The following ZDHHC21 variants were observed in gnomAD, a reference collection of about 807,000 sequenced individuals.
ZDHHC21 encodes zDHHC palmitoyltransferase 21.
A neutral mutation model predicts 34.6 loss-of-function variants in ZDHHC21; 15 were observed. The observed-to-expected ratio is 0.43, with a 90% CI of 0.29 to 0.67. ZDHHC21 has a LOEUF of 0.67. Ranked by LOEUF, ZDHHC21 falls within the 30% of genes least tolerant of loss-of-function variation. The pLI, the probability that ZDHHC21 is intolerant of heterozygous loss-of-function variation, is 0.14. For synonymous variants in ZDHHC21, 142 were observed against 101.8 expected (o/e 1.40, Z -2.38); for missense variants, 344 against 327.7 (o/e 1.05, Z -0.38).
At chr9:14,598,095 C>T in the ZDHHC21 span, among the ~76,000 whole-genome samples, 2 of 152,170 alleles carry the variant, frequency 1.3e-5, no homozygotes, top group African/African-American at 4.8e-5. Context: ...ACCTCTCTGG[C>T]CCACTGCCTC....
chr9:14,686,109 C>T (rs1041785529), intron 2 of ZDHHC21, among the ~76,000 whole-genome samples: 4 of 151,682 alleles, frequency 2.6e-5, no homozygotes, highest in South Asian at 2.1e-4. Flanking sequence ...ATGTAAATGA[C>T]GAGTTAATGG....
At chr9:14,686,205 T>TA (rs1275370004) in intron 2 of ZDHHC21, among the ~76,000 whole-genome samples, 2 of 149,630 alleles carry the variant, frequency 1.3e-5, no homozygotes, top group Admixed American at 6.7e-5. Context: ...AAGTATAATT[T>TA]AAAAAAAAGA....
intron 5 of ZDHHC21, among the ~76,000 whole-genome samples, chr9:14,670,909 T>C (rs761070009): frequency 6.6e-6 from 1 of 152,118 alleles, no homozygotes; most frequent in Non-Finnish European, 1.5e-5. Flanking sequence ...TTCTTAGTCA[T>C]TTCCCTTTCC....
At chr9:14,602,624 C>T in the ZDHHC21 span, among the ~76,000 whole-genome samples, 1 of 152,042 alleles carries the variant, frequency 6.6e-6, no homozygotes, top group African/African-American at 2.4e-5. Context: ...AGGAAATCCC[C>T]ATCAGACAAA....
chr9:14,691,436 T>C (rs1255820037), intron 1 of ZDHHC21, among the ~76,000 whole-genome samples: 3 of 152,202 alleles, frequency 2.0e-5, no homozygotes. Flanking sequence ...ATTATTTTAT[T>C]CATGCATTTT....
intron 8 of ZDHHC21, among the ~76,000 whole-genome samples, chr9:14,620,547 G>T (rs1300493960): frequency 1.8e-5 from 2 of 114,184 alleles, no homozygotes; most frequent in African/African-American, 3.8e-5. Context: ...TTAACACTTT[G>T]TTTATACATA....
At chr9:14,645,381 C>T (rs1246490024) in intron 7 of ZDHHC21, among the ~76,000 whole-genome samples, 1 of 151,922 alleles carries the variant, frequency 6.6e-6, no homozygotes, top group East Asian at 1.9e-4. Flanking sequence ...ATAAATGGTG[C>T]TAAATCAATT....
chr9:14,655,330 A>G (rs1035518785), intron 7 of ZDHHC21, among the ~76,000 whole-genome samples: 4 of 151,976 alleles, frequency 2.6e-5, no homozygotes, highest in Non-Finnish European at 4.4e-5. Context: ...AATTTGTTCC[A>G]AGAGACTTGC....
chr9:14,631,742 T>A (rs991482194), intron 8 of ZDHHC21, among the ~76,000 whole-genome samples: 3 of 152,122 alleles, frequency 2.0e-5, no homozygotes, highest in African/African-American at 7.2e-5. Flanking sequence ...TCTTAGGGAA[T>A]AGCAAGGCCC....
At chr9:14,681,382 A>C (rs1380733215) in intron 2 of ZDHHC21, among the ~76,000 whole-genome samples, 1 of 152,026 alleles carries the variant, frequency 6.6e-6, no homozygotes, top group Non-Finnish European at 1.5e-5. Context: ...ACTGCAACCT[A>C]TTTATTTTAC....
At chr9:14,664,383 T>C (rs1833993526) in intron 5 of ZDHHC21, among the ~76,000 whole-genome samples, 2 of 150,976 alleles carry the variant, frequency 1.3e-5, no homozygotes. Context: ...CGCTGATTGC[T>C]AGCACAGCAG....
At chr9:14,688,632 C>T (rs577340488) in intron 2 of ZDHHC21, among the ~76,000 whole-genome samples, 3 of 152,120 alleles carry the variant, frequency 2.0e-5, no homozygotes, top group Admixed American at 1.3e-4. Flanking sequence ...GAGGCAAAGG[C>T]GGGTGGATCA....
chr9:14,597,261 C>A, the ZDHHC21 span, among the ~76,000 whole-genome samples: 3 of 152,132 alleles, frequency 2.0e-5, no homozygotes, highest in Non-Finnish European at 4.4e-5. Context: ...TCTATCTCCA[C>A]GTCCCTGGAG....
downstream of ZDHHC21, among the ~76,000 whole-genome samples, chr9:14,609,536 G>A (rs1344915624): frequency 1.3e-5 from 2 of 152,096 alleles, no homozygotes; most frequent in Non-Finnish European, 2.9e-5. Flanking sequence ...TCTGAAAAAT[G>A]TAATCTGTCA....
the ZDHHC21 span, among the ~76,000 whole-genome samples, chr9:14,602,820 G>A: frequency 6.6e-6 from 1 of 151,834 alleles, no homozygotes; most frequent in Non-Finnish European, 1.5e-5. Context: ...CCACTCGGGA[G>A]GCTGAGGCAG....
the ZDHHC21 span, among the ~76,000 whole-genome samples, chr9:14,605,328 C>T: frequency 6.6e-6 from 1 of 151,852 alleles, no homozygotes; most frequent in South Asian, 2.1e-4. Context: ...AGTAACAGTA[C>T]ATAAGGGTTC....
At chr9:14,666,023 TA>T (rs1244312362) in intron 5 of ZDHHC21, among the ~76,000 whole-genome samples, 2 of 149,858 alleles carry the variant, frequency 1.3e-5, no homozygotes, top group South Asian at 2.2e-4. Flanking sequence ...ATAAATGGAC[TA>T]AATTCTCCAA....
chr9:14,673,473 C>A (rs1318382897), intron 4 of ZDHHC21, among the ~76,000 whole-genome samples: 1 of 151,456 alleles, frequency 6.6e-6, no homozygotes, highest in Non-Finnish European at 1.5e-5. Context: ...ACAGATTTGG[C>A]CACCATAATT....
At chr9:14,680,706 T>G (rs909768633) in intron 2 of ZDHHC21, among the ~76,000 whole-genome samples, 3 of 152,120 alleles carry the variant, frequency 2.0e-5, no homozygotes, top group African/African-American at 7.2e-5. Flanking sequence ...CAATCAACAC[T>G]TAACTACTAT....
Sources: gnomAD v4.1 joint callset for allele counts (sites outside exome capture counted in the v4.1 genomes callset) on GRCh38, gnomAD v4.1.1 for gene constraint, MANE v1.5 for transcripts, NCBI Gene and HGNC (gene_info 2026-07-23, HGNC 2026-07-21) for gene names.